The following DOCK1 variants were observed in gnomAD, a reference collection of about 807,000 sequenced individuals.
DOCK1 encodes dedicator of cytokinesis protein 1.
Under a neutral mutation model 262.7 loss-of-function variants are expected in DOCK1, and 138 were observed. The ratio of observed to expected loss-of-function variants is 0.53; its 90% CI spans 0.46 to 0.61. The LOEUF (loss-of-function observed/expected upper bound fraction) is 0.61. DOCK1 is among the 20% of genes least tolerant of loss of function. The pLI, the probability that DOCK1 is intolerant of heterozygous loss-of-function variation, is 0.00. For synonymous variants in DOCK1, 866 were observed against 867.4 expected (o/e 1.00, Z 0.03); for missense variants, 1,908 against 2,370.7 (o/e 0.80, Z 4.05).
intron 27 of DOCK1, among the ~76,000 whole-genome samples, chr10:127,162,995 G>A (rs34543669): frequency 5.9e-5 from 9 of 152,138 alleles, no homozygotes; most frequent in African/African-American, 1.9e-4. Flanking sequence ...GTTCTAACCC[G>A]CATGCAAACC....
At chr10:127,317,518 A>T (rs1318684497) in intron 29 of DOCK1, among the ~76,000 whole-genome samples, 1 of 152,096 alleles carries the variant, frequency 6.6e-6, no homozygotes, top group Non-Finnish European at 1.5e-5. Flanking sequence ...AGCACAATTT[A>T]TATTACAGAA....
At chr10:127,009,917 A>G (rs2041303825) in intron 11 of DOCK1, among the ~76,000 whole-genome samples, 1 of 152,114 alleles carries the variant, frequency 6.6e-6, no homozygotes, top group African/African-American at 2.4e-5. Context: ...AGACAGGAAG[A>G]GTATGGCTTT....
chr10:126,971,880 T>C (rs2038131236), intron 2 of DOCK1, among the ~76,000 whole-genome samples: 2 of 152,142 alleles, frequency 1.3e-5, no homozygotes. Context: ...CAGAGATTTA[T>C]CATAGTTATA....
chr10:127,259,138 A>G (rs1396315423), intron 29 of DOCK1, among the ~76,000 whole-genome samples: 2 of 152,138 alleles, frequency 1.3e-5, no homozygotes, highest in East Asian at 3.9e-4. Context: ...ATGGTGAGGA[A>G]GCCCCGGAGA....
chr10:127,446,536 C>T lies in DOCK1; in HGVS notation c.5414-858C>T, dbSNP rs2070570078. Among the ~76,000 whole-genome samples, 1 of 152,144 alleles carries T rather than the reference C, an allele frequency of 6.6e-6. No individual in the cohort carries two copies. Among genetic ancestry groups the T allele is most frequent in the Admixed American group, 6.5e-5 (1 of 15,288 alleles). On this transcript the variant is annotated intron_variant, in intron 50 of 51. Coordinates refer to ENST00000623213, the MANE Select transcript of DOCK1 (RefSeq NM_001290223.2). The surrounding 1 kb of genome is among the most constrained non-coding windows in gnomAD (Gnocchi z 4.4). ...CATGAGGACAGTCACTCACCGAAGC[C>T]TTCGTATTTCCCTCAGCCCCATGGC...
intron 29 of DOCK1, among the ~76,000 whole-genome samples, chr10:127,295,486 G>C (rs1318475955): frequency 1.3e-5 from 2 of 151,922 alleles, no homozygotes; most frequent in African/African-American, 4.8e-5. Flanking sequence ...GATTTGGAGG[G>C]GACAAAACGT....
At chr10:127,425,215 G>T (rs946023568) in intron 46 of DOCK1, among the ~76,000 whole-genome samples, 10 of 152,160 alleles carry the variant, frequency 6.6e-5, no homozygotes, top group Non-Finnish European at 1.3e-4. Context: ...GGGACAGAAA[G>T]GGAGACTTTT....
intron 27 of DOCK1, among the ~76,000 whole-genome samples, chr10:127,172,685 A>G (rs1030069980): frequency 2.0e-5 from 3 of 152,192 alleles, no homozygotes; most frequent in African/African-American, 7.2e-5. Context: ...TCCCAGGAAC[A>G]CAACAGAGAC....
intron 28 of DOCK1, among the ~76,000 whole-genome samples, chr10:127,249,688 G>A (rs923602435): frequency 3.9e-5 from 6 of 152,160 alleles, no homozygotes; most frequent in Non-Finnish European, 4.4e-5. Context: ...GTCACTAGGT[G>A]ATAAGAAGTT....
chr10:127,249,432 TACACACACACAC>T (rs376080330), intron 28 of DOCK1, among the ~76,000 whole-genome samples: 3 of 96,960 alleles, frequency 3.1e-5, no homozygotes, highest in Non-Finnish European at 7.0e-5. Context: ...CATATATATA[TACACACACACAC>T]ACACACACAC....
intron 23 of DOCK1, among the ~76,000 whole-genome samples, chr10:127,093,730 A>G (rs183387989): frequency 6.6e-6 from 1 of 152,070 alleles, no homozygotes; most frequent in Non-Finnish European, 1.5e-5. Flanking sequence ...TTTATCTGCA[A>G]AGATTCTGTT....
chr10:126,955,860 A>T (rs1476880736), intron 1 of DOCK1, among the ~76,000 whole-genome samples: 1 of 152,096 alleles, frequency 6.6e-6, no homozygotes, highest in Admixed American at 6.6e-5. Flanking sequence ...GCAGTTAACT[A>T]AGGAAAGATT....
At chr10:127,148,356 C>T (rs937234250) in intron 27 of DOCK1, among the ~76,000 whole-genome samples, 5 of 152,132 alleles carry the variant, frequency 3.3e-5, no homozygotes, top group East Asian at 1.9e-4. Context: ...TACCACTTGA[C>T]GAGAAGATTC....
At chr10:127,282,792 T>C (rs1187887949) in intron 29 of DOCK1, among the ~76,000 whole-genome samples, 1 of 152,238 alleles carries the variant, frequency 6.6e-6, no homozygotes, top group Non-Finnish European at 1.5e-5. Context: ...AGCTCTGCCT[T>C]GGCGACAACC....
chr10:127,206,981 TTAAG>T (rs1452825313), intron 27 of DOCK1, among the ~76,000 whole-genome samples: 1 of 152,232 alleles, frequency 6.6e-6, no homozygotes, highest in African/African-American at 2.4e-5. Flanking sequence ...TAGTGGCCTA[TTAAG>T]TATTTTACTT....
At position 127,042,730 on chromosome 10, in the gene DOCK1, T is replaced by C; in HGVS notation, c.2100+16T>C. On this transcript the variant is annotated intron_variant, in intron 20 of 51. Coordinates refer to ENST00000623213, the MANE Select transcript of DOCK1 (RefSeq NM_001290223.2). ...TGATGCTCTGGTAAGAGAGCTTTCC[T>C]TCTCATATGCTTGGATAACACAGCG... 6.2e-7 allele frequency: 1 copy of C among 1,612,522 alleles called. No individual in the cohort carries two copies. The highest frequency in any genetic ancestry group is 2.2e-5 in the East Asian group (1 of 44,866).
intron 7 of DOCK1, chr10:126,997,842 G>A: frequency 2.1e-6 from 1 of 479,140 alleles, no homozygotes. Flanking sequence ...TGATTTATTG[G>A]ATGGACACCT....
intron 11 of DOCK1, among the ~76,000 whole-genome samples, chr10:127,010,839 G>A (rs1003821700): frequency 1.3e-5 from 2 of 152,182 alleles, no homozygotes; most frequent in Non-Finnish European, 2.9e-5. Flanking sequence ...TTTGAATGCT[G>A]TATTATATAT....
chr10:127,312,193 G>C (rs1157793507), intron 29 of DOCK1, among the ~76,000 whole-genome samples: 4 of 152,172 alleles, frequency 2.6e-5, no homozygotes, highest in Non-Finnish European at 5.9e-5. Flanking sequence ...TACTGCCTAA[G>C]AAGAAGAGAA....
Sources: allele counts gnomAD v4.1 joint callset (sites outside exome capture counted in the v4.1 genomes callset), GRCh38; gene constraint gnomAD v4.1.1; non-coding constraint Gnocchi (gnomAD v3.1); transcripts MANE v1.5; gene names NCBI Gene and HGNC (gene_info 2026-07-23, HGNC 2026-07-21).